Variants in CHRNA4 observed in about 807,000 individuals in gnomAD.
CHRNA4 encodes the protein neuronal acetylcholine receptor subunit alpha-4.
A neutral mutation model predicts 48.9 loss-of-function variants in CHRNA4; 28 were observed. That is an observed-to-expected ratio of 0.57 (90% CI 0.42 to 0.79). The LOEUF is 0.79. Ranked by LOEUF, CHRNA4 falls within the 30% of genes least tolerant of loss-of-function variation. CHRNA4 has a pLI of 0.00. For synonymous variants in CHRNA4, 425 were observed against 402.3 expected, an observed-to-expected ratio of 1.06 and a Z score of -0.68; for missense variants, 859 against 898.4, an observed-to-expected ratio of 0.96 and a Z score of 0.56.
chr20:63,351,951 C>T (rs1197502420), intron 4 of CHRNA4, among the ~76,000 whole-genome samples: 1 of 152,234 alleles, frequency 6.6e-6, no homozygotes, highest in Non-Finnish European at 1.5e-5. Context: ...CTCACGGGGG[C>T]AGCAGCCGAC....
rs1024393887 is a variant in CHRNA4 at position 63,359,541 on chromosome 20, C to T, written c.228+7G>A. 1.2e-6 allele frequency: 2 copies of T among 1,612,658 alleles called. No homozygotes were observed. The highest frequency in any genetic ancestry group is 1.7e-6 in the Non-Finnish European group (2 of 1,179,896). On this transcript the variant is annotated splice_region_variant and intron_variant, in intron 2 of 5. Coordinates refer to ENST00000370263, the MANE Select transcript of CHRNA4 (RefSeq NM_000744.7). ...TCACAGTGCACGATGGCCACGCCCT[C>T]ACCTACCACGTCAATGAGCTGAGCG...
Position 63,344,282 on chromosome 20 carries a change from T to C in CHRNA4, c.*2456A>G. The C allele has an allele frequency of 2.2e-6, 1 of 453,858 alleles. No homozygotes were observed. Among genetic ancestry groups the C allele is most frequent in the South Asian group, 1.6e-5 (1 of 64,442 alleles). The allele number at this position is 453,858 out of a possible 1,614,324, so 28.1% of individuals were successfully genotyped here. ...GAGAGGTCAATCCACGGTGCTTAAG[T>C]CAGAGCCACAGATGGGGAGGGACGC... On this transcript the variant is annotated 3_prime_UTR_variant, in exon 6 of 6. Transcript: ENST00000370263. This position sits in a 1 kb window ranked among gnomAD's most constrained non-coding sequence, Gnocchi z 4.5.
intron 2 of CHRNA4, 134 bp downstream of exon 2, chr20:63,359,414 G>C (rs1337375261): frequency 5.1e-6 from 6 of 1,171,324 alleles, no homozygotes; most frequent in Non-Finnish European, 6.2e-6. Context: ...CTGTCGTTCT[G>C]ACGTACCAGC....
intron 1 of CHRNA4, 62 bp from the exon 2 acceptor site, chr20:63,359,761 G>T (rs1332259916): frequency 6.4e-7 from 1 of 1,571,996 alleles, no homozygotes; most frequent in Admixed American, 1.7e-5. Flanking sequence ...GAGCTGTCCA[G>T]GAGCTCTCCA....
Position 63,346,134 on chromosome 20 carries a change from A to G in CHRNA4, c.*604T>C. 1 of 454,030 alleles carries G rather than the reference A, an allele frequency of 2.2e-6. No individual in the cohort carries two copies. Among genetic ancestry groups the G allele is most frequent in the South Asian group, 1.6e-5 (1 of 64,464 alleles). The allele number at this position is 454,030 out of a possible 1,614,324, so 28.1% of individuals were successfully genotyped here. A position where few individuals can be genotyped will look rare whatever the true frequency, so the allele number is the denominator to read the frequency against. On this transcript the variant is annotated 3_prime_UTR_variant, in exon 6 of 6. Transcript: ENST00000370263. ...CCTTAGGCACAAGACTTGAGTTCTCACTAACTTACCCAAAACACAACCAAA... is the reference window on the plus strand; with the variant it reads ...CCTTAGGCACAAGACTTGAGTTCTCGCTAACTTACCCAAAACACAACCAAA...
chr20:63,344,173 A>T lies in CHRNA4; in HGVS notation c.*2565T>A, dbSNP rs780806887. ...GCTACGGACACACACAACAGCACGGATGAAGCTCTAAGTCATAGGATGAAG... is the reference window on the plus strand; with the variant it reads ...GCTACGGACACACACAACAGCACGGTTGAAGCTCTAAGTCATAGGATGAAG... On this transcript the variant is annotated 3_prime_UTR_variant, in exon 6 of 6. Coordinates refer to ENST00000370263, the MANE Select transcript of CHRNA4 (RefSeq NM_000744.7). This position sits in a 1 kb window ranked among gnomAD's most constrained non-coding sequence, Gnocchi z 4.5. 2.2e-6 allele frequency: 1 copy of T among 454,014 alleles called. No homozygotes were observed. Among genetic ancestry groups the T allele is most frequent in the African/African-American group, 2.0e-5 (1 of 49,988 alleles). 28.1% of individuals were successfully genotyped at this position (454,014 alleles called of 1,614,324 possible).
intron 4 of CHRNA4, among the ~76,000 whole-genome samples, chr20:63,351,319 G>C (rs998724315): frequency 4.0e-5 from 6 of 151,622 alleles, no homozygotes; most frequent in African/African-American, 1.5e-4. Flanking sequence ...CCTTGCCCGG[G>C]TACACTGTTC....
In CHRNA4 at chr20:63,358,269, G is replaced by A. The variant is rs564094534; in HGVS notation, c.228+1279C>T. The stretch of plus-strand genomic sequence containing the variant: ...ACTGCCACCACTGAGCAGCCTGTCC[G>A]CGGGAATGTGGCTGCAGCTCCCCAC... On this transcript the variant is annotated intron_variant, in intron 2 of 5. Coordinates refer to ENST00000370263, the MANE Select transcript of CHRNA4 (RefSeq NM_000744.7). Among the ~76,000 whole-genome samples, 7 of 152,310 alleles carry A rather than the reference G, an allele frequency of 4.6e-5. No homozygotes were observed. In the East Asian group the frequency reaches 7.7e-4, roughly 17 times the overall value.
chr20:63,354,542 G>A, intron 4 of CHRNA4: 2 of 921,152 alleles, frequency 2.2e-6, no homozygotes, highest in Non-Finnish European at 2.6e-6. Context: ...CCTGGTGGGG[G>A]CTGCAGTCTT....
intron 4 of CHRNA4, 26 bp downstream of exon 4, chr20:63,355,948 AG>A (rs1342196439): frequency 3.1e-6 from 5 of 1,608,174 alleles, no homozygotes; most frequent in Non-Finnish European, 4.2e-6. Context: ...GGCCCTGTAG[AG>A]GACTCACTTG....
chr20:63,357,143 C>T (rs547989825), intron 2 of CHRNA4, among the ~76,000 whole-genome samples: 3 of 113,554 alleles, frequency 2.6e-5, no homozygotes, highest in African/African-American at 8.2e-5. Flanking sequence ...GACCGTGTCC[C>T]CACAGGACCA....
chr20:63,361,126 G>A lies in CHRNA4; in HGVS notation c.40C>T (p.Pro14Ser). 5 of 1,479,436 alleles carry A rather than the reference G, an allele frequency of 3.4e-6. No homozygotes were observed. The highest frequency in any genetic ancestry group is 3.6e-6 in the Non-Finnish European group (4 of 1,121,042). The allele number at this position is 1,479,436 out of a possible 1,614,324, so 91.6% of individuals were successfully genotyped here. ...CCGGTCCCCAGAAGCAGCAGCAGCGGCGGCAGCAGCCGCGGCGCTCCGGGG... is the reference window on the plus strand; with the variant it reads ...CCGGTCCCCAGAAGCAGCAGCAGCGACGGCAGCAGCCGCGGCGCTCCGGGG... ...GGPGAPRLLP[P>S]LLLLLGTGLL... The change falls in exon 1 of 6, where the codon CCG (proline) becomes TCG (serine). Residue 14 changes from proline to serine, a missense_variant. Pro to Ser is a moderately conservative substitution (Grantham distance 74, BLOSUM62 -1). Transcript: ENST00000370263.
At chr20:63,347,530 C>A (rs1007025971) in intron 5 of CHRNA4, among the ~76,000 whole-genome samples, 2 of 152,364 alleles carry the variant, frequency 1.3e-5, no homozygotes, top group Non-Finnish European at 2.9e-5. Context: ...GCGGACCTCC[C>A]CCGGGTGACC....
rs2145402701 is a variant in CHRNA4, at chr20:63,356,674, G to T, written c.229-259C>A. On this transcript the variant is annotated intron_variant, in intron 2 of 5. Coordinates refer to ENST00000370263, the MANE Select transcript of CHRNA4 (RefSeq NM_000744.7). ...TGGAGAGGAGTCGGCGGCCTCACAGGCTTCCCCAGCTAAGGACAGGTGTGG... is the reference window on the plus strand; with the variant it reads ...TGGAGAGGAGTCGGCGGCCTCACAGTCTTCCCCAGCTAAGGACAGGTGTGG... 5.3e-6 allele frequency: 3 copies of T among 570,930 alleles called. No individual in the cohort carries two copies. In the East Asian group the frequency reaches 8.9e-5, roughly 17 times the overall value. 35.4% of individuals were successfully genotyped at this position (570,930 alleles called of 1,614,324 possible). A position where few individuals can be genotyped will look rare whatever the true frequency, so the allele number is the denominator to read the frequency against.
rs1424223097 is a variant in CHRNA4 at position 63,350,959 on chromosome 20, C to T, written c.452G>A (p.Trp151Ter). The change falls in exon 5 of 6, where the codon TGG (tryptophan) becomes TAG (stop). Residue 151 changes from tryptophan to a stop codon, truncating the protein, a stop_gained. Coordinates refer to ENST00000370263, the MANE Select transcript of CHRNA4 (RefSeq NM_000744.7). LOFTEE classifies it high-confidence loss of function. ...GCTCTTGTAAATGGCCGGGGGAGTC[C>T]ACTGCACCCGCCCGTCATGGAACAG... ...AHLFHDGRVQWTPPAIYKSSC... is the reference protein window; with the variant it reads ...AHLFHDGRVQ The T allele has an allele frequency of 6.2e-7, 1 of 1,613,762 alleles. No individual in the cohort carries two copies. Among genetic ancestry groups the T allele is most frequent in the Non-Finnish European group, 8.5e-7 (1 of 1,180,014 alleles).
Position 63,344,502 on chromosome 20 carries a change from AAAAG to A in CHRNA4, c.*2232_*2235del, listed in dbSNP as rs1181189027. 8 of 453,068 alleles carry A rather than the reference AAAAG, an allele frequency of 1.8e-5. No individual in the cohort carries two copies. The highest frequency in any genetic ancestry group is 2.6e-5 in the Non-Finnish European group (6 of 226,512). The allele number at this position is 453,068 out of a possible 1,614,324, so 28.1% of individuals were successfully genotyped here. ...ATTTTTTTTTTGAGCCTCAAAAAAAAAAAGAAAGGGAAAGGGGTCTTCCCCCAGG... is the reference window on the plus strand; with the variant it reads ...ATTTTTTTTTTGAGCCTCAAAAAAAAAAAGGGAAAGGGGTCTTCCCCCAGG... On this transcript the variant is annotated 3_prime_UTR_variant, in exon 6 of 6. Coordinates refer to ENST00000370263, the MANE Select transcript of CHRNA4 (RefSeq NM_000744.7). The surrounding 1 kb of genome is among the most constrained non-coding windows in gnomAD (Gnocchi z 4.5).
At chr20:63,360,766 G>A (rs1203913084) in intron 1 of CHRNA4, among the ~76,000 whole-genome samples, 1 of 152,222 alleles carries the variant, frequency 6.6e-6, no homozygotes, top group Non-Finnish European at 1.5e-5. Flanking sequence ...CTGGATGGAT[G>A]GGGGAAGGGC....
chr20:63,353,567 TG>T (rs1192870137), intron 4 of CHRNA4, among the ~76,000 whole-genome samples: 6 of 33,648 alleles, frequency 1.8e-4, no homozygotes, highest in Admixed American at 1.1e-3. Flanking sequence ...GCTGTGGTCC[TG>T]GGGGGGCTGC....
At chr20:63,352,224 G>A (rs945436742) in intron 4 of CHRNA4, among the ~76,000 whole-genome samples, 4 of 152,214 alleles carry the variant, frequency 2.6e-5, no homozygotes, top group Non-Finnish European at 5.9e-5. Context: ...CAGAGCTGGC[G>A]ACTGTTCCCT....
Sources: gnomAD v4.1 joint callset for allele counts (sites outside exome capture counted in the v4.1 genomes callset) on GRCh38, gnomAD v4.1.1 for gene constraint, Gnocchi (gnomAD v3.1) non-coding constraint, MANE v1.5 for transcripts, NCBI Gene and HGNC (gene_info 2026-07-23, HGNC 2026-07-21) for gene names.